THOC2: variants seen among roughly 807,000 people sequenced by gnomAD.
The protein encoded by THOC2 is THO complex subunit 2.
A neutral mutation model predicts 128.4 loss-of-function variants in THOC2; 10 were observed. The ratio of observed to expected loss-of-function variants is 0.08; its 90% CI spans 0.05 to 0.13. The LOEUF is 0.13. Ranked by LOEUF, THOC2 falls within the 10% of genes least tolerant of loss-of-function variation. The pLI, the probability that THOC2 is intolerant of heterozygous loss-of-function variation, is 1.00. For synonymous variants in THOC2, 393 were observed against 396.9 expected (o/e 0.99, Z 0.12); for missense variants, 535 against 1,155.7 (o/e 0.46, Z 7.79).
chrX:123,649,672 T>C (rs927410753), intron 12 of THOC2, among the ~76,000 whole-genome samples: 13 of 110,162 alleles, frequency 1.2e-4, no homozygotes, highest in Admixed American at 1.2e-3. Context: ...CAAGTATCAA[T>C]AGCCGAATCG....
chrX:123,669,611 C>T (rs895800775), intron 9 of THOC2, among the ~76,000 whole-genome samples: 5 of 111,704 alleles, frequency 4.5e-5, no homozygotes, highest in African/African-American at 1.6e-4. Context: ...CCACTGCGCC[C>T]GGCCATAGGT....
At chrX:123,648,462 G>A (rs2048221779) in intron 12 of THOC2, among the ~76,000 whole-genome samples, 2 of 111,572 alleles carry the variant, frequency 1.8e-5, no homozygotes, top group Non-Finnish European at 3.8e-5. Context: ...AGGCGAGACA[G>A]AACCATCCAC....
In THOC2 at chrX:123,623,351, GAATAA is replaced by G. The variant is rs747906484; in HGVS notation, c.3504-73_3504-69del. 1.1e-4 allele frequency: 113 copies of G among 1,006,751 alleles called. 1 individual carries two copies. The African/African-American group carries it at 2.1e-3, about 19-fold the overall frequency. 83.0% of individuals were successfully genotyped at this position (1,006,751 alleles called of 1,213,427 possible). On this transcript the variant is annotated intron_variant, in intron 28 of 38. Transcript: ENST00000245838. The stretch of plus-strand genomic sequence containing the variant: ...AAAAACATAAACATGAGGTTTTTAA[GAATAA>G]AATTAGCAAGTTATTCATTCTACTA...
intron 9 of THOC2, among the ~76,000 whole-genome samples, chrX:123,669,525 A>G (rs979233163): frequency 9.0e-6 from 1 of 110,825 alleles, no homozygotes; most frequent in East Asian, 2.8e-4. Flanking sequence ...CATGTTGGTC[A>G]GGCTGGTCTC....
intron 3 of THOC2, among the ~76,000 whole-genome samples, chrX:123,705,816 A>G (rs1453906098): frequency 9.0e-6 from 1 of 111,550 alleles, no homozygotes; most frequent in Non-Finnish European, 1.9e-5. Flanking sequence ...GAGACCAAGA[A>G]GCTTCAAATC....
At chrX:123,616,195 CT>C (rs752345599) in intron 33 of THOC2, among the ~76,000 whole-genome samples, 201 of 110,499 alleles carry the variant, frequency 1.8e-3, no homozygotes, top group African/African-American at 6.0e-3. Flanking sequence ...TTATATTTAC[CT>C]TTTTTTTAGG....
intron 12 of THOC2, 84 bp downstream of exon 12, chrX:123,665,558 T>G (rs2147797638): frequency 1.5e-6 from 1 of 669,469 alleles, no homozygotes; most frequent in East Asian, 3.7e-5. Context: ...GTTCATATTT[T>G]TATTTCTAAA....
At chrX:123,732,468 G>T (rs929693736) in intron 1 of THOC2, among the ~76,000 whole-genome samples, 1 of 112,257 alleles carries the variant, frequency 8.9e-6, no homozygotes, top group African/African-American at 3.2e-5. Flanking sequence ...GAGGGGAGGG[G>T]AATCCGGGAC....
At chrX:123,724,585 T>G (rs1014774914) in intron 1 of THOC2, among the ~76,000 whole-genome samples, 1 of 110,817 alleles carries the variant, frequency 9.0e-6, no homozygotes, top group Non-Finnish European at 1.9e-5. Context: ...CTCTACAGGC[T>G]GAGGCAGGAG....
In THOC2 at chrX:123,712,879, T is replaced by C; in HGVS notation, c.101A>G (p.Asn34Ser). The C allele has an allele frequency of 8.5e-7, 1 of 1,175,922 alleles. No individual in the cohort carries two copies. ...FLHLCRILSE[N>S]KSHDSSTYRD... ...GTATGTTGAACTATCATGGCTTTTA[T>C]TTTCACTGAGGATCCGACATAAATG... Residue 34 changes from asparagine to serine, a missense_variant, in exon 2 of 39, where the codon AAT (asparagine) becomes AGT (serine). By Grantham distance (46) the Asn-to-Ser change is conservative (BLOSUM62 1). This residue lies in a region of THOC2 where 61 missense variants were observed against 84.3 expected (regional missense o/e 0.72). Transcript: ENST00000245838.
chrX:123,687,186 ACCATCATTTTAAAAATCATTTTTATTT>A (rs2050035011), intron 7 of THOC2, among the ~76,000 whole-genome samples: 1 of 112,086 alleles, frequency 8.9e-6, no homozygotes, highest in Non-Finnish European at 1.9e-5. Flanking sequence ...ACAAAAGTGG[ACCATCATTTTAAAAATCATTTTTATTT>A]TATCTTACAT....
At chrX:123,698,864 G>T (rs1410947122) in intron 4 of THOC2, among the ~76,000 whole-genome samples, 1 of 106,115 alleles carries the variant, frequency 9.4e-6, no homozygotes, top group Non-Finnish European at 1.9e-5. Flanking sequence ...GACAGAGTAA[G>T]ACTCTGTCTC....
At chrX:123,671,892 T>C (rs1603292838) in intron 8 of THOC2, 131 bp from the exon 9 acceptor site, 2 of 333,815 alleles carry the variant, frequency 6.0e-6, no homozygotes, top group East Asian at 8.9e-5. Flanking sequence ...CTGCTCTTCC[T>C]TATCTTACCA....
chrX:123,693,793 G>C (rs185202385), intron 7 of THOC2, among the ~76,000 whole-genome samples: 4 of 111,301 alleles, frequency 3.6e-5, no homozygotes, highest in Non-Finnish European at 7.5e-5. Context: ...AATAATCAGG[G>C]AATAGCAGGG....
intron 1 of THOC2, among the ~76,000 whole-genome samples, chrX:123,716,306 G>A (rs1352951437): frequency 2.7e-5 from 3 of 112,565 alleles, no homozygotes; most frequent in Non-Finnish European, 3.8e-5. Context: ...GAGGCTGAGC[G>A]CAGTGGCTCA....
At chrX:123,653,955 C>G (rs1164557015) in intron 12 of THOC2, among the ~76,000 whole-genome samples, 1 of 111,692 alleles carries the variant, frequency 9.0e-6, no homozygotes, top group Admixed American at 9.5e-5. Context: ...CACATGCACA[C>G]GTATGTTTAC....
At chrX:123,689,831 G>T (rs1483856105) in intron 7 of THOC2, among the ~76,000 whole-genome samples, 3 of 111,358 alleles carry the variant, frequency 2.7e-5, no homozygotes, top group Non-Finnish European at 5.7e-5. Flanking sequence ...TTCCCTAATG[G>T]CAGCTGTAGT....
At position 123,613,410 on chromosome X, in the gene THOC2, C is replaced by T. The variant is rs769593183; in HGVS notation, c.4666G>A (p.Gly1556Ser). The change falls in exon 36 of 39, where the codon GGT (glycine) becomes AGT (serine). Residue 1556 changes from glycine (G) to serine (S), a missense_variant. Transcript: ENST00000245838. ...TTTTCCTAATTTACCTTTTTGCCACCGGAGGAGATTTTATCCATCTTCTCA... is the reference window on the plus strand; with the variant it reads ...TTTTCCTAATTTACCTTTTTGCCACTGGAGGAGATTTTATCCATCTTCTCA... Reference protein sequence around the residue: ...KSEKMDKISSGGKKESRHDKE... With the variant: ...KSEKMDKISSSGKKESRHDKE... The T allele has an allele frequency of 1.7e-5, 21 of 1,202,814 alleles. No homozygotes were observed. In the Middle Eastern group the frequency reaches 9.8e-4, roughly 56 times the overall value.
chrX:123,671,996 G>A (rs759892727), intron 8 of THOC2, among the ~76,000 whole-genome samples: 2 of 112,015 alleles, frequency 1.8e-5, no homozygotes, highest in Non-Finnish European at 1.9e-5. Context: ...TTTCAAAAAC[G>A]GACACAATTT....
Sources: gnomAD v4.1 joint callset for allele counts (sites outside exome capture counted in the v4.1 genomes callset) on GRCh38, gnomAD v4.1.1 for gene constraint, gnomAD v4.1.1 regional missense constraint, MANE v1.5 for transcripts, NCBI Gene and HGNC (gene_info 2026-07-23, HGNC 2026-07-21) for gene names.